TAS2R1: variants seen among roughly 807,000 people sequenced by gnomAD.
TAS2R1 encodes taste 2 receptor member 1, also known as taste receptor type 2 member 1.
For synonymous variants in TAS2R1, 141 were observed against 134.2 expected (o/e 1.05, Z -0.35); for missense variants, 370 against 353.4 (o/e 1.05, Z -0.38).
At chr5:9,640,497 T>TAAAAAAAAAAAAAAAAAAAAAAAAAA in intron 2 of TAS2R1, among the ~76,000 whole-genome samples, 1 of 59,030 alleles carries the variant, frequency 1.7e-5, no homozygotes, top group African/African-American at 8.3e-5. Context: ...TTCAATTCCT[T>TAAAAAAAAAAAAAAAAAAAAAAAAAA]AAAAAAAAAA....
intron 1 of TAS2R1, among the ~76,000 whole-genome samples, chr5:9,702,775 G>C (rs1203321123): frequency 1.3e-5 from 2 of 152,110 alleles, no homozygotes; most frequent in African/African-American, 4.8e-5. Context: ...GCTGACGAGA[G>C]GCAGGTTTCA....
the TAS2R1 span, among the ~76,000 whole-genome samples, chr5:9,734,562 A>C: frequency 6.6e-6 from 1 of 152,336 alleles, no homozygotes; most frequent in Admixed American, 6.5e-5. Context: ...TCTTTACAAA[A>C]GACAAAAAGC....
At chr5:9,804,220 CTG>C in the TAS2R1 span, among the ~76,000 whole-genome samples, 1,621 of 152,270 alleles carry the variant, frequency 0.011, 21 homozygotes, top group African/African-American at 0.034. Flanking sequence ...GCACCTAACA[CTG>C]GAGCTCCCAA....
At chr5:9,705,609 A>G (rs992502232) in intron 1 of TAS2R1, among the ~76,000 whole-genome samples, 4 of 152,174 alleles carry the variant, frequency 2.6e-5, no homozygotes, top group Non-Finnish European at 5.9e-5. Context: ...CTGTAATCGC[A>G]GCACTTTGGA....
the TAS2R1 span, among the ~76,000 whole-genome samples, chr5:9,856,705 C>A: frequency 6.6e-6 from 1 of 152,070 alleles, no homozygotes; most frequent in South Asian, 2.1e-4. Context: ...AACCCTTAGA[C>A]AATAAACTGC....
intron 1 of TAS2R1, among the ~76,000 whole-genome samples, chr5:9,682,885 CA>C (rs1302922241): frequency 6.6e-6 from 1 of 152,124 alleles, no homozygotes; most frequent in Non-Finnish European, 1.5e-5. Flanking sequence ...CATTGTTTTC[CA>C]ACAACTTCTT....
upstream of TAS2R1, among the ~76,000 whole-genome samples, chr5:9,631,380 T>C (rs1267462882): frequency 6.6e-6 from 1 of 152,182 alleles, no homozygotes; most frequent in Non-Finnish European, 1.5e-5. Context: ...GCTAGGACTA[T>C]AGATATGCAC....
the TAS2R1 span, among the ~76,000 whole-genome samples, chr5:9,855,563 A>G: frequency 1.3e-5 from 2 of 152,308 alleles, no homozygotes; most frequent in Admixed American, 6.5e-5. Context: ...AGTCACTTCA[A>G]GTAATTGGGC....
At chr5:9,750,960 C>T in the TAS2R1 span, among the ~76,000 whole-genome samples, 6 of 151,578 alleles carry the variant, frequency 4.0e-5, no homozygotes, top group Non-Finnish European at 5.9e-5. Flanking sequence ...TACTTCAATA[C>T]GTATATGATG....
chr5:9,863,909 C>G, the TAS2R1 span, among the ~76,000 whole-genome samples: 1 of 152,184 alleles, frequency 6.6e-6, no homozygotes, highest in Non-Finnish European at 1.5e-5. Flanking sequence ...AAGTTCAGGT[C>G]TGTACTCAAC....
chr5:9,892,339 C>T, the TAS2R1 span, among the ~76,000 whole-genome samples: 1 of 152,196 alleles, frequency 6.6e-6, no homozygotes, highest in Non-Finnish European at 1.5e-5. Flanking sequence ...AACTTTATTA[C>T]TAGTTTCTCA....
At chr5:9,663,294 G>A (rs773083178) in intron 1 of TAS2R1, among the ~76,000 whole-genome samples, 37 of 151,910 alleles carry the variant, frequency 2.4e-4, no homozygotes, top group Admixed American at 7.9e-4. Flanking sequence ...ACTCAACTAA[G>A]GCAATAAATT....
At chr5:9,875,637 T>C in the TAS2R1 span, among the ~76,000 whole-genome samples, 4 of 152,292 alleles carry the variant, frequency 2.6e-5, no homozygotes, top group African/African-American at 9.6e-5. Context: ...CATTGACCAT[T>C]CTGCTGAAAT....
the TAS2R1 span, among the ~76,000 whole-genome samples, chr5:9,844,073 A>C: frequency 1.3e-5 from 2 of 152,210 alleles, no homozygotes; most frequent in Admixed American, 1.3e-4. Flanking sequence ...TAGTATTATC[A>C]TTGGGAATGA....
chr5:9,629,361 G>T lies in TAS2R1; in HGVS notation c.672C>A (p.Ile224=). The T allele has an allele frequency of 1.2e-6, 2 of 1,614,088 alleles. No individual in the cohort carries two copies. Among genetic ancestry groups the T allele is most frequent in the Non-Finnish European group, 1.7e-6 (2 of 1,179,992 alleles). ...AGGACAGGATAGACAGCAACGCGCT[G>T]ATGGGTGCACCCCTGCCAGGAACCC... ...GSRVPGRGAP[I]SALLSILSFL... The change falls in exon 1 of 1, where the codon ATC becomes ATA. Residue 224 remains isoleucine, a synonymous_variant. Coordinates refer to ENST00000382492, the MANE Select transcript of TAS2R1 (RefSeq NM_019599.3).
the TAS2R1 span, among the ~76,000 whole-genome samples, chr5:9,839,018 G>T: frequency 4.6e-5 from 7 of 152,316 alleles, no homozygotes; most frequent in African/African-American, 1.7e-4. Flanking sequence ...AAAACATCAC[G>T]TTTTAAAAGT....
chr5:9,730,483 G>A, the TAS2R1 span, among the ~76,000 whole-genome samples: 2 of 152,190 alleles, frequency 1.3e-5, no homozygotes, highest in Admixed American at 6.5e-5. Context: ...TGCCACACCT[G>A]TGCAGGTGCC....
the TAS2R1 span, among the ~76,000 whole-genome samples, chr5:9,873,826 G>A: frequency 2.0e-5 from 3 of 147,388 alleles, no homozygotes; most frequent in Non-Finnish European, 4.5e-5. Context: ...CGGAGATTGA[G>A]CCATTGCATT....
At chr5:9,790,749 C>T in the TAS2R1 span, among the ~76,000 whole-genome samples, 1 of 152,150 alleles carries the variant, frequency 6.6e-6, no homozygotes, top group Non-Finnish European at 1.5e-5. Context: ...CCGCCTCAGC[C>T]TCCTGAGTAG....
Sources: allele counts gnomAD v4.1 joint callset (sites outside exome capture counted in the v4.1 genomes callset), GRCh38; gene constraint gnomAD v4.1.1; transcripts MANE v1.5; gene names NCBI Gene and HGNC (gene_info 2026-07-23, HGNC 2026-07-21).